Variants in SPATC1L observed in about 807,000 individuals in gnomAD.
SPATC1L encodes spermatogenesis and centriole associated 1 like, also known as speriolin-like protein.
A neutral mutation model predicts 21.2 loss-of-function variants in SPATC1L; 20 were observed. The observed-to-expected ratio is 0.94, with a 90% confidence interval of 0.66 to 1.37. The LOEUF (loss-of-function observed/expected upper bound fraction) is 1.37, where lower values mean the gene tolerates loss of function less well. Among genes scored for constraint, SPATC1L ranks in the 40% most tolerant of loss-of-function variants. SPATC1L has a pLI of 0.00. For missense variants in SPATC1L, 499 were observed against 478.7 expected (o/e 1.04, Z -0.40); for synonymous variants, 290 against 234.5 (o/e 1.24, Z -2.16).
At chr21:46,165,823 T>G (rs557513234) in intron 3 of SPATC1L, among the ~76,000 whole-genome samples, 2 of 152,216 alleles carry the variant, frequency 1.3e-5, no homozygotes, top group Admixed American at 1.3e-4. Flanking sequence ...CAATAAACCT[T>G]TATCGAATTA....
chr21:46,171,626 C>T (rs1171217854), intron 2 of SPATC1L, among the ~76,000 whole-genome samples: 1 of 152,014 alleles, frequency 6.6e-6, no homozygotes, highest in Non-Finnish European at 1.5e-5. Flanking sequence ...ATATTATGTA[C>T]AATTATGTAT....
At chr21:46,164,794 G>GAAAAAAAAAA (rs72042671) in intron 3 of SPATC1L, among the ~76,000 whole-genome samples, 3,763 of 86,060 alleles carry the variant, frequency 0.044, 106 homozygotes, top group Middle Eastern at 0.085. Flanking sequence ...TCCATCTCAA[G>GAAAAAAAAAA]AAAAAAAAAA....
Position 46,162,034 on chromosome 21 carries a change from G to C in SPATC1L, c.578C>G (p.Ala193Gly). Residue 193 changes from alanine (A) to glycine (G), a missense_variant, in exon 4 of 5, where the codon GCG (alanine) becomes GGG (glycine). Transcript: ENST00000291672. ...IQSFAGAEKD[A>G]RVVGEIAFQL... ...GAAGGCGATCTCGCCCACCACGCGC[G>C]CGTCCTTCTCGGCGCCCGCGAAGCT... 6.3e-7 allele frequency: 1 copy of C among 1,592,132 alleles called. No homozygotes were observed. The highest frequency in any genetic ancestry group is 8.5e-7 in the Non-Finnish European group (1 of 1,171,680).
At position 46,172,129 on chromosome 21, in the gene SPATC1L, CAGAGTGTGAGGTGGGGGATGCAA is replaced by C. The variant is rs1291306222; in HGVS notation, c.194-3494_194-3472del. Among the ~76,000 whole-genome samples the C allele has an allele frequency of 9.4e-4, 113 of 120,266 alleles. 3 individuals are homozygous for C. Among genetic ancestry groups the C allele is most frequent in the African/African-American group, 2.8e-3 (81 of 29,040 alleles). The allele number at this position is 120,266 out of a possible 152,430, so 78.9% of individuals were successfully genotyped here. ...TGCAGAGCATGAGGCGGGGGATGCA[CAGAGTGTGAGGTGGGGGATGCAA>C]AGAGCGTGAGGCGGGGGATGCACAG... On this transcript the variant is annotated intron_variant, in intron 2 of 4. Coordinates refer to ENST00000291672, the MANE Select transcript of SPATC1L (RefSeq NM_001142854.2).
intron 2 of SPATC1L, among the ~76,000 whole-genome samples, chr21:46,179,038 G>A (rs2079652345): frequency 6.6e-6 from 1 of 151,476 alleles, no homozygotes; most frequent in Non-Finnish European, 1.5e-5. Flanking sequence ...CAGGAGTTTG[G>A]GACTGGCCTG....
At chr21:46,179,822 G>A (rs1251317223) in intron 2 of SPATC1L, among the ~76,000 whole-genome samples, 1 of 152,224 alleles carries the variant, frequency 6.6e-6, no homozygotes, top group Non-Finnish European at 1.5e-5. Flanking sequence ...GGGGCAGCTG[G>A]GAGGGGAGGC....
intron 3 of SPATC1L, among the ~76,000 whole-genome samples, chr21:46,167,248 C>CA (rs1362282954): frequency 2.0e-5 from 3 of 151,982 alleles, no homozygotes; most frequent in East Asian, 3.8e-4. Flanking sequence ...CACAACACAC[C>CA]AAAACCTACT....
Position 46,182,661 on chromosome 21 carries a change from C to G in SPATC1L, c.156G>C (p.Ala52=), listed in dbSNP as rs754303901. The change falls in exon 2 of 5, where the codon GCG becomes GCC. Residue 52 remains alanine, a synonymous_variant. Transcript: ENST00000291672. Reference sequence around the variant, plus strand: ...GGGAGCCGGCCTCAGGGTAGGCATGCGCCCTGGGTGGGAGCAGGTCGTGGC... The same window carrying G: ...GGGAGCCGGCCTCAGGGTAGGCATGGGCCCTGGGTGGGAGCAGGTCGTGGC... The part of the protein sequence containing the change: ...GGGHDLLPPR[A]HAYPEAGSPG... 6 of 1,537,918 alleles carry G rather than the reference C, an allele frequency of 3.9e-6. No homozygotes were observed. The South Asian group carries it at 7.2e-5, about 18-fold the overall frequency.
rs370174813 is a variant in SPATC1L at position 46,161,586 on chromosome 21, C to T, written c.816G>A (p.Pro272=). The T allele has an allele frequency of 1.5e-5, 24 of 1,610,210 alleles. No homozygotes were observed. The highest frequency in any genetic ancestry group is 1.1e-4 in the East Asian group (5 of 44,790). The change falls in exon 5 of 5, where the codon CCG becomes CCA. Residue 272 remains proline, a synonymous_variant. Coordinates refer to ENST00000291672, the MANE Select transcript of SPATC1L (RefSeq NM_001142854.2). ...EKLGYSRDVH[P]AFSEFLINTY... is the part of the protein sequence containing the mutation. ...TGTTGATGAGGAACTCGCTGAACGC[C>T]GGGTGCACGTCGCGGCTGTAGCCCA... is the stretch of plus-strand genomic sequence containing the variant.
At chr21:46,161,771 A>G in intron 4 of SPATC1L, 66 bp from the exon 5 acceptor site, 1 of 1,490,796 alleles carries the variant, frequency 6.7e-7, no homozygotes, top group Non-Finnish European at 8.9e-7. Context: ...TTCCAGGCCC[A>G]GGGCCGATCC....
Position 46,161,586 on chromosome 21 carries a change from C to A in SPATC1L, c.816G>T (p.Pro272=), listed in dbSNP as rs370174813. 8 of 1,610,212 alleles carry A rather than the reference C, an allele frequency of 5.0e-6. No homozygotes were observed. The Admixed American group carries it at 1.3e-4, about 27-fold the overall frequency. ...TGTTGATGAGGAACTCGCTGAACGC[C>A]GGGTGCACGTCGCGGCTGTAGCCCA... ...EKLGYSRDVH[P]AFSEFLINTY... is the part of the protein sequence containing the mutation. Residue 272 remains proline (P), a synonymous_variant, in exon 5 of 5, where the codon CCG becomes CCT. Transcript: ENST00000291672.
intron 3 of SPATC1L, among the ~76,000 whole-genome samples, chr21:46,166,181 T>C (rs113323999): frequency 0.11 from 16,059 of 152,076 alleles, 1,488 homozygotes; most frequent in African/African-American, 0.25. Flanking sequence ...GCCTGGTCAA[T>C]GTGGCAAAAC....
In SPATC1L at chr21:46,168,238, A is replaced by G. The variant is rs113405941; in HGVS notation, c.544+70T>C. ...GAGAAACGGCCCTGCCTGACCACCC[A>G]GTCATGCCCTCCCCACAGCTGCCAG... On this transcript the variant is annotated intron_variant, in intron 3 of 4. Transcript: ENST00000291672. 7,301 of 1,094,474 alleles carry G rather than the reference A, an allele frequency of 6.7e-3. 331 individuals are homozygous for G. In the South Asian group the frequency reaches 0.084, roughly 13 times the overall value. 67.8% of individuals were successfully genotyped at this position (1,094,474 alleles called of 1,614,324 possible).
intron 2 of SPATC1L, among the ~76,000 whole-genome samples, chr21:46,171,940 A>G (rs1486271520): frequency 1.9e-5 from 1 of 53,620 alleles, no homozygotes; most frequent in South Asian, 3.1e-4. Flanking sequence ...TAACCCCCAG[A>G]AAAAAAAAAA....
In SPATC1L at chr21:46,176,118, A is replaced by G. The variant is rs549054760; in HGVS notation, c.193+6506T>C. ...AATTCAACACCCCTTCATGTTAAAAACGCTCAATAAACTAGGTATTGAAGG... is the reference window on the plus strand; with the variant it reads ...AATTCAACACCCCTTCATGTTAAAAGCGCTCAATAAACTAGGTATTGAAGG... On this transcript the variant is annotated intron_variant, in intron 2 of 4. Transcript: ENST00000291672. 4.6e-5 allele frequency among the ~76,000 whole-genome samples: 7 copies of G among 152,342 alleles called. No homozygotes were observed. The South Asian group carries it at 1.4e-3, about 32-fold the overall frequency.
Position 46,161,344 on chromosome 21 carries a change from G to C in SPATC1L, c.*35C>G. ...CGCGGCCCCGGGTTGGAACAAACGCGTTTACTGCAGGCAAGGCGGCGGGCG... is the reference window on the plus strand; with the variant it reads ...CGCGGCCCCGGGTTGGAACAAACGCCTTTACTGCAGGCAAGGCGGCGGGCG... On this transcript the variant is annotated 3_prime_UTR_variant, in exon 5 of 5. Transcript: ENST00000291672. 2.0e-6 allele frequency: 3 copies of C among 1,479,888 alleles called. No homozygotes were observed. Among genetic ancestry groups the C allele is most frequent in the Non-Finnish European group, 1.8e-6 (2 of 1,120,690 alleles). The allele number at this position is 1,479,888 out of a possible 1,614,324, so 91.7% of individuals were successfully genotyped here. A position where few individuals can be genotyped will look rare whatever the true frequency, so the allele number is the denominator to read the frequency against.
chr21:46,183,012 G>A lies in SPATC1L; in HGVS notation c.-196C>T, dbSNP rs751646057. On this transcript the variant is annotated 5_prime_UTR_variant, in exon 2 of 5. The change creates a new upstream start codon in the 5' untranslated region. Transcript: ENST00000291672. The stretch of plus-strand genomic sequence containing the variant: ...TGCCCCCGCGATGGCTCATGGCCCC[G>A]TTGAGGCAGTGAAGCTGGAGGCCCG... 3.3e-5 allele frequency: 19 copies of A among 571,490 alleles called. No individual in the cohort carries two copies. The highest frequency in any genetic ancestry group is 7.8e-5 in the African/African-American group (4 of 51,522). The allele number at this position is 571,490 out of a possible 1,614,324, so 35.4% of individuals were successfully genotyped here.
At position 46,184,429 on chromosome 21, in the gene SPATC1L, C is replaced by G. The variant is rs894518715; in HGVS notation, c.-1032G>C. 10 of 163,156 alleles carry G rather than the reference C, an allele frequency of 6.1e-5. No homozygotes were observed. Among genetic ancestry groups the G allele is most frequent in the African/African-American group, 2.2e-4 (9 of 41,394 alleles). The allele number at this position is 163,156 out of a possible 1,614,324, so 10.1% of individuals were successfully genotyped here. On this transcript the variant is annotated 5_prime_UTR_variant, in exon 1 of 5. Coordinates refer to ENST00000291672, the MANE Select transcript of SPATC1L (RefSeq NM_001142854.2). The stretch of plus-strand genomic sequence containing the variant: ...GATGCAACAGATGGGTCATCTCATC[C>G]TCATGGGAAGGGACGTACGGCAGAA...
At position 46,167,589 on chromosome 21, in the gene SPATC1L, C is replaced by T. The variant is rs958130838; in HGVS notation, c.544+719G>A. ...CAGCATTTTGGGAGGCCGAGGCAGGCGAATTGCTTCAGCCCGGGAGGTCAA... is the reference window on the plus strand; with the variant it reads ...CAGCATTTTGGGAGGCCGAGGCAGGTGAATTGCTTCAGCCCGGGAGGTCAA... On this transcript the variant is annotated intron_variant, in intron 3 of 4. Transcript: ENST00000291672. Among the ~76,000 whole-genome samples the T allele has an allele frequency of 3.3e-5, 5 of 152,062 alleles. No homozygotes were observed. The East Asian group carries it at 9.6e-4, about 29-fold the overall frequency.
Sources: allele counts gnomAD v4.1 joint callset (sites outside exome capture counted in the v4.1 genomes callset), GRCh38; gene constraint gnomAD v4.1.1; transcripts MANE v1.5; gene names NCBI Gene and HGNC (gene_info 2026-07-23, HGNC 2026-07-21).